BCKDHB: variants seen among roughly 807,000 people sequenced by gnomAD.
The protein encoded by BCKDHB is branched chain keto acid dehydrogenase E1 subunit beta.
Under a neutral mutation model 48.5 loss-of-function variants are expected in BCKDHB, and 41 were observed. That is an observed-to-expected ratio of 0.85 (90% CI 0.66 to 1.10). The LOEUF is 1.10. Ranked by LOEUF, BCKDHB falls within the 50% of genes least tolerant of loss-of-function variation. The pLI is 0.00. For missense variants in BCKDHB, 496 were observed against 494.2 expected (o/e 1.00, Z -0.03); for synonymous variants, 201 against 174.8 (o/e 1.15, Z -1.18).
the BCKDHB span, among the ~76,000 whole-genome samples, chr6:80,357,445 G>A: frequency 6.6e-6 from 1 of 152,264 alleles, no homozygotes; most frequent in Middle Eastern, 3.4e-3. Context: ...ATTGCAAGAT[G>A]GAGGCCAAGG....
At chr6:80,151,340 A>G (rs1481600522) in intron 3 of BCKDHB, among the ~76,000 whole-genome samples, 2 of 152,204 alleles carry the variant, frequency 1.3e-5, no homozygotes, top group African/African-American at 4.8e-5. Context: ...CTAGCATAAG[A>G]AAAGTTGATG....
At chr6:80,230,579 T>G (rs1236581758) in intron 8 of BCKDHB, among the ~76,000 whole-genome samples, 1 of 152,182 alleles carries the variant, frequency 6.6e-6, no homozygotes, top group Middle Eastern at 3.2e-3. Flanking sequence ...TCTGTCTTAA[T>G]TATTCAACTC....
chr6:80,363,576 C>A, the BCKDHB span, among the ~76,000 whole-genome samples: 1 of 152,078 alleles, frequency 6.6e-6, no homozygotes, highest in African/African-American at 2.4e-5. Context: ...GAAAATTATT[C>A]ATGTACTAAG....
At chr6:80,415,374 G>A in the BCKDHB span, among the ~76,000 whole-genome samples, 14 of 152,228 alleles carry the variant, frequency 9.2e-5, no homozygotes, top group African/African-American at 3.1e-4. Context: ...AATGCTTCCA[G>A]ATTTTGCCCA....
chr6:80,341,449 A>C (rs1441066163), intron 9 of BCKDHB, among the ~76,000 whole-genome samples: 3 of 152,230 alleles, frequency 2.0e-5, no homozygotes, highest in Non-Finnish European at 2.9e-5. Flanking sequence ...CTCAAAGGGT[A>C]ACCACTGTTT....
At chr6:80,323,430 T>C (rs1206518304) in intron 9 of BCKDHB, among the ~76,000 whole-genome samples, 1 of 152,188 alleles carries the variant, frequency 6.6e-6, no homozygotes, top group Non-Finnish European at 1.5e-5. Flanking sequence ...TACATAGATA[T>C]CGCCTCCCAA....
At chr6:80,311,193 C>T (rs1340732613) in intron 9 of BCKDHB, among the ~76,000 whole-genome samples, 9 of 152,178 alleles carry the variant, frequency 5.9e-5, no homozygotes. Flanking sequence ...TTTTTGTCTG[C>T]CATCATCTAT....
At chr6:80,465,596 A>G in the BCKDHB span, among the ~76,000 whole-genome samples, 3 of 152,228 alleles carry the variant, frequency 2.0e-5, no homozygotes, top group Admixed American at 6.5e-5. Context: ...CTTCAGAGTT[A>G]TCTCTGATTC....
chr6:80,167,655 CT>C lies in BCKDHB; in HGVS notation c.344-16del, dbSNP rs748479257. ...CATTACTCTCATTTGCCACATTAAC[CT>C]TTTTTTCTTTTCTATTTTAAGGAAA... On this transcript the variant is annotated intron_variant, in intron 3 of 9. Coordinates refer to ENST00000320393, the MANE Select transcript of BCKDHB (RefSeq NM_183050.4). The C allele has an allele frequency of 4.4e-6, 7 of 1,586,532 alleles. No homozygotes were observed. The Admixed American group carries it at 5.0e-5, about 11-fold the overall frequency.
chr6:80,457,923 T>A, the BCKDHB span, among the ~76,000 whole-genome samples: 1 of 152,232 alleles, frequency 6.6e-6, no homozygotes, highest in East Asian at 1.9e-4. Flanking sequence ...TTTCTCCTTT[T>A]TCTGCTATTC....
the BCKDHB span, among the ~76,000 whole-genome samples, chr6:80,410,523 A>G: frequency 1.3e-5 from 2 of 152,196 alleles, no homozygotes; most frequent in African/African-American, 4.8e-5. Flanking sequence ...CTGCTGTACA[A>G]TATACTGAAA....
At chr6:80,320,952 G>T (rs1435981089) in intron 9 of BCKDHB, among the ~76,000 whole-genome samples, 4 of 151,954 alleles carry the variant, frequency 2.6e-5, no homozygotes, top group African/African-American at 9.7e-5. Flanking sequence ...ATATTTTCTT[G>T]CTATACCTCT....
the BCKDHB span, among the ~76,000 whole-genome samples, chr6:80,428,596 T>C: frequency 6.6e-6 from 1 of 152,228 alleles, no homozygotes. Context: ...TCATTGTGAT[T>C]TTGATTAGCA....
intron 7 of BCKDHB, among the ~76,000 whole-genome samples, chr6:80,201,355 C>G (rs985131580): frequency 6.6e-6 from 1 of 151,998 alleles, no homozygotes; most frequent in East Asian, 1.9e-4. Context: ...CACTTCAGAT[C>G]TATTATTTTC....
At chr6:80,388,853 C>T in the BCKDHB span, among the ~76,000 whole-genome samples, 3 of 152,160 alleles carry the variant, frequency 2.0e-5, no homozygotes, top group Non-Finnish European at 4.4e-5. Context: ...TGAAGGACAG[C>T]AGTGAAGAGA....
At chr6:80,433,229 G>A in the BCKDHB span, among the ~76,000 whole-genome samples, 3,334 of 138,838 alleles carry the variant, frequency 0.024, 131 homozygotes, top group African/African-American at 0.075. Context: ...GCTGTCAGGC[G>A]GGGACGTATA....
intron 6 of BCKDHB, among the ~76,000 whole-genome samples, chr6:80,179,952 G>A (rs1168844167): frequency 6.6e-6 from 1 of 152,160 alleles, no homozygotes; most frequent in Non-Finnish European, 1.5e-5. Flanking sequence ...GCCAGTCACA[G>A]TTCCTGTTGA....
At chr6:80,339,229 C>A (rs3805859) in intron 9 of BCKDHB, among the ~76,000 whole-genome samples, 70,204 of 151,872 alleles carry the variant, frequency 0.46, 17,069 homozygotes, top group Admixed American at 0.6. Context: ...ATATTACATT[C>A]ATCAAAACAT....
At chr6:80,205,723 T>C (rs1237182260) in intron 8 of BCKDHB, among the ~76,000 whole-genome samples, 1 of 151,846 alleles carries the variant, frequency 6.6e-6, no homozygotes, top group African/African-American at 2.4e-5. Context: ...TGGAGACTTC[T>C]GAAAAGCACA....
Sources: gnomAD v4.1 joint callset for allele counts (sites outside exome capture counted in the v4.1 genomes callset) on GRCh38, gnomAD v4.1.1 for gene constraint, MANE v1.5 for transcripts, NCBI Gene and HGNC (gene_info 2026-07-23, HGNC 2026-07-21) for gene names.